The following SHLD1 variants were observed in gnomAD, a reference collection of about 807,000 sequenced individuals.
SHLD1 encodes shieldin complex subunit 1.
A neutral mutation model predicts 5.5 loss-of-function variants in SHLD1; 3 were observed. The ratio of observed to expected loss-of-function variants is 0.54; its 90% CI spans 0.25 to 1.40. SHLD1 has a LOEUF of 1.40. SHLD1 is among the 40% of genes most tolerant of loss of function. The pLI, the probability that SHLD1 is intolerant of heterozygous loss-of-function variation, is 0.15. For missense variants in SHLD1, 210 were observed against 244.4 expected (o/e 0.86, Z 0.94); for synonymous variants, 92 against 94.3 (o/e 0.98, Z 0.14).
intron 2 of SHLD1, among the ~76,000 whole-genome samples, chr20:5,791,457 C>T (rs1174438740): frequency 2.0e-5 from 3 of 147,656 alleles, no homozygotes; most frequent in African/African-American, 5.0e-5. Flanking sequence ...CCAGCTACTT[C>T]GGGAACTGAG....
intron 1 of SHLD1, among the ~76,000 whole-genome samples, chr20:5,757,071 C>CTTTTTTTTTTTTTTTTT (rs753877287): frequency 8.9e-5 from 11 of 123,224 alleles, no homozygotes; most frequent in Non-Finnish European, 1.2e-4. Flanking sequence ...TTCTTTCTTT[C>CTTTTTTTTTTTTTTTTT]TTTTTTTTTT....
At chr20:5,764,178 T>TTTTTA (rs1568490167) in intron 1 of SHLD1, among the ~76,000 whole-genome samples, 2 of 77,414 alleles carry the variant, frequency 2.6e-5, no homozygotes, top group African/African-American at 4.9e-5. Flanking sequence ...ATATATATTT[T>TTTTTA]TATATATATA....
At chr20:5,859,759 C>T (rs1280401149) in intron 2 of SHLD1, among the ~76,000 whole-genome samples, 3 of 152,172 alleles carry the variant, frequency 2.0e-5, no homozygotes, top group Non-Finnish European at 2.9e-5. Flanking sequence ...TAGTAAATGA[C>T]TCAACCCGTA....
chr20:5,755,663 G>A (rs925617517), intron 1 of SHLD1, among the ~76,000 whole-genome samples: 3 of 152,048 alleles, frequency 2.0e-5, no homozygotes, highest in South Asian at 2.1e-4. Context: ...AGGTTCAAGC[G>A]GTTCTCCTGC....
intron 2 of SHLD1, among the ~76,000 whole-genome samples, chr20:5,826,036 G>A (rs6053729): frequency 3.9e-5 from 6 of 152,180 alleles, no homozygotes; most frequent in African/African-American, 1.4e-4. Flanking sequence ...AGGGCCACAC[G>A]GAGGTACTGT....
chr20:5,839,731 A>C (rs1474708660), intron 2 of SHLD1, among the ~76,000 whole-genome samples: 1 of 152,208 alleles, frequency 6.6e-6, no homozygotes, highest in Non-Finnish European at 1.5e-5. Context: ...AACTTTGTTG[A>C]TGTAGGATTA....
intron 2 of SHLD1, among the ~76,000 whole-genome samples, chr20:5,850,660 G>GCCA (rs1263643796): frequency 6.6e-6 from 1 of 151,940 alleles, no homozygotes; most frequent in Non-Finnish European, 1.5e-5. Flanking sequence ...ACAGGTGTGT[G>GCCA]CCACCACACC....
chr20:5,791,177 G>A (rs565797316), intron 2 of SHLD1, among the ~76,000 whole-genome samples: 1 of 152,170 alleles, frequency 6.6e-6, no homozygotes, highest in South Asian at 2.1e-4. Flanking sequence ...GGATTTTAAA[G>A]CAGCCATTAT....
chr20:5,807,067 T>C (rs75404612), intron 2 of SHLD1, among the ~76,000 whole-genome samples: 1,978 of 152,348 alleles, frequency 0.013, 16 homozygotes, highest in Non-Finnish European at 0.021. Flanking sequence ...CCTGCAGGGC[T>C]TTGCCCTCCT....
At chr20:5,785,155 G>A (rs764393850) in intron 2 of SHLD1, among the ~76,000 whole-genome samples, 19 of 152,188 alleles carry the variant, frequency 1.2e-4, no homozygotes, top group Non-Finnish European at 2.2e-4. Flanking sequence ...AACAGACACC[G>A]TCACTAGTTT....
At chr20:5,810,056 A>G (rs886937485) in intron 2 of SHLD1, among the ~76,000 whole-genome samples, 1 of 151,964 alleles carries the variant, frequency 6.6e-6, no homozygotes, top group Admixed American at 6.6e-5. Context: ...CAGGAGTTCT[A>G]GACCAGCCTG....
Position 5,855,321 on chromosome 20 carries a change from T to C in SHLD1, c.179-7703T>C, listed in dbSNP as rs1229665212. ...TAGCGTGTGTCACAGTGTCCTTTCT[T>C]TTTAAGGCTGAATAATATTTCATTG... On this transcript the variant is annotated intron_variant, in intron 2 of 2. Coordinates refer to ENST00000303142, the MANE Select transcript of SHLD1 (RefSeq NM_152504.4). This position sits in a 1 kb window ranked among gnomAD's most constrained non-coding sequence, Gnocchi z 4.4. Among the ~76,000 whole-genome samples, 1 of 152,168 alleles carries C rather than the reference T, an allele frequency of 6.6e-6. No homozygotes were observed. Among genetic ancestry groups the C allele is most frequent in the Non-Finnish European group, 1.5e-5 (1 of 68,034 alleles).
At chr20:5,771,272 A>G (rs893891121) in intron 1 of SHLD1, among the ~76,000 whole-genome samples, 3 of 152,150 alleles carry the variant, frequency 2.0e-5, no homozygotes, top group Non-Finnish European at 2.9e-5. Flanking sequence ...TTTTATTGCA[A>G]TTGAAGACTT....
At position 5,776,985 on chromosome 20, in the gene SHLD1, C is replaced by T. The variant is rs35497374; in HGVS notation, c.178+3942C>T. ...TCCATGCTAAATATTTCACAAACAT[C>T]ATCACTTTTTTTTTTTCTTTTCAAG... On this transcript the variant is annotated intron_variant, in intron 2 of 2. Transcript: ENST00000303142. Among the ~76,000 whole-genome samples the T allele has an allele frequency of 5.4e-3, 823 of 151,880 alleles. 9 individuals carry two copies. Among genetic ancestry groups the T allele is most frequent in the African/African-American group, 0.019 (779 of 41,462 alleles).
chr20:5,807,213 G>A (rs1375021520), intron 2 of SHLD1, among the ~76,000 whole-genome samples: 1 of 152,104 alleles, frequency 6.6e-6, no homozygotes, highest in African/African-American at 2.4e-5. Context: ...TGAAAATGTA[G>A]TATAAATTCC....
At chr20:5,834,240 G>A (rs2087763424) in intron 2 of SHLD1, among the ~76,000 whole-genome samples, 1 of 152,188 alleles carries the variant, frequency 6.6e-6, no homozygotes, top group Admixed American at 6.5e-5. Context: ...GTTTATGGAA[G>A]AGTCTTCCTG....
chr20:5,772,426 G>A (rs1697561018), intron 1 of SHLD1, among the ~76,000 whole-genome samples: 2 of 152,094 alleles, frequency 1.3e-5, no homozygotes, highest in South Asian at 4.1e-4. Flanking sequence ...GGATGGAGTG[G>A]GACAGCATGA....
chr20:5,835,971 G>A (rs990130957), intron 2 of SHLD1, among the ~76,000 whole-genome samples: 5 of 152,140 alleles, frequency 3.3e-5, no homozygotes, highest in Non-Finnish European at 7.3e-5. Context: ...TAACATGACC[G>A]ATCGGAGGTT....
At chr20:5,750,516 T>TGGGGGGGGGGG (rs1983681782) in intron 1 of SHLD1, 37 bp downstream of exon 1, 1 of 17,450 alleles carries the variant, frequency 5.7e-5, no homozygotes, top group African/African-American at 2.5e-4. Context: ...GTTGGAGTGG[T>TGGGGGGGGGGG]GGGGGCGGGG....
Sources: allele counts gnomAD v4.1 joint callset (sites outside exome capture counted in the v4.1 genomes callset), GRCh38; gene constraint gnomAD v4.1.1; non-coding constraint Gnocchi (gnomAD v3.1); transcripts MANE v1.5; gene names NCBI Gene and HGNC (gene_info 2026-07-23, HGNC 2026-07-21).